The following PIK3C3 variants were observed in gnomAD, a reference collection of about 807,000 sequenced individuals.
PIK3C3 encodes PI3-kinase type 3.
In PIK3C3, 95 loss-of-function variants were observed where a neutral mutation model predicts 126.1. The observed-to-expected ratio is 0.75, with a 90% CI of 0.64 to 0.89. The LOEUF is 0.89. PIK3C3 is among the 40% of genes least tolerant of loss of function. PIK3C3 has a pLI of 0.00. For synonymous variants in PIK3C3, 374 were observed against 360.0 expected, an observed-to-expected ratio of 1.04 and a Z score of -0.44; for missense variants, 829 against 1,063.2, an observed-to-expected ratio of 0.78 and a Z score of 3.06.
At chr18:42,076,672 T>C (rs1481476700) in intron 24 of PIK3C3, among the ~76,000 whole-genome samples, 1 of 152,228 alleles carries the variant, frequency 6.6e-6, no homozygotes, top group Non-Finnish European at 1.5e-5. Context: ...TTAATTATTG[T>C]AATAGCAAGA....
intron 24 of PIK3C3, among the ~76,000 whole-genome samples, chr18:42,071,031 C>T (rs1192703559): frequency 6.6e-6 from 1 of 152,160 alleles, no homozygotes; most frequent in East Asian, 1.9e-4. Flanking sequence ...ATGTAGAAAT[C>T]CTGTAATTAA....
intron 24 of PIK3C3, among the ~76,000 whole-genome samples, chr18:42,076,113 TATATATATGCGCA>T (rs1985980718): frequency 1.3e-5 from 1 of 77,718 alleles, no homozygotes; most frequent in Non-Finnish European, 2.5e-5. Flanking sequence ...TATATATATA[TATATATATGCGCA>T]TATATATATA....
chr18:42,052,436 G>T (rs1300595276), intron 21 of PIK3C3, among the ~76,000 whole-genome samples: 1 of 152,036 alleles, frequency 6.6e-6, no homozygotes, highest in Non-Finnish European at 1.5e-5. Flanking sequence ...TTTCTTAACT[G>T]CTCTGTAATT....
In PIK3C3 at chr18:42,027,161, TAAATAGGAGA is replaced by T. The variant is rs1598908842; in HGVS notation, c.1485-277_1485-268del. 9 of 207,804 alleles carry T rather than the reference TAAATAGGAGA, an allele frequency of 4.3e-5. No homozygotes were observed. In the East Asian group the frequency reaches 1.1e-3, roughly 27 times the overall value. 12.9% of individuals were successfully genotyped at this position (207,804 alleles called of 1,614,324 possible). Reference sequence around the variant, plus strand: ...CTGAGGATGTTAATACTCTACCTCATAAATAGGAGAAAATGCTTGTTTTGGTGGCAAAAGT... The same window carrying T: ...CTGAGGATGTTAATACTCTACCTCATAAATGCTTGTTTTGGTGGCAAAAGT... On this transcript the variant is annotated intron_variant, in intron 13 of 24. Coordinates refer to ENST00000262039, the MANE Select transcript of PIK3C3 (RefSeq NM_002647.4).
At chr18:42,015,899 A>G (rs1325550867) in intron 12 of PIK3C3, among the ~76,000 whole-genome samples, 1 of 152,152 alleles carries the variant, frequency 6.6e-6, no homozygotes, top group Non-Finnish European at 1.5e-5. Flanking sequence ...AGTGCTTGTG[A>G]TTACATCGTA....
chr18:41,959,922 G>C (rs1296338476), intron 2 of PIK3C3, among the ~76,000 whole-genome samples: 1 of 151,016 alleles, frequency 6.6e-6, no homozygotes, highest in Non-Finnish European at 1.5e-5. Flanking sequence ...CCTAAAGTGA[G>C]TGGAGGTAAA....
At chr18:42,072,858 T>C (rs1359892682) in intron 24 of PIK3C3, among the ~76,000 whole-genome samples, 2 of 152,074 alleles carry the variant, frequency 1.3e-5, no homozygotes, top group African/African-American at 4.8e-5. Context: ...TACAGTGCTT[T>C]CGAGGGTTGT....
intron 24 of PIK3C3, among the ~76,000 whole-genome samples, chr18:42,070,192 G>A (rs748990689): frequency 1.3e-5 from 2 of 152,158 alleles, no homozygotes; most frequent in African/African-American, 2.4e-5. Context: ...GGCAGACGTG[G>A]CAGTCCTCTT....
intron 13 of PIK3C3, 114 bp downstream of exon 13, chr18:42,020,819 A>G: frequency 1.6e-6 from 1 of 642,646 alleles, no homozygotes; most frequent in Non-Finnish European, 2.7e-6. Context: ...TCAAAAGTCT[A>G]GATATAGTAT....
chr18:42,063,964 C>T (rs1050148579), intron 22 of PIK3C3, among the ~76,000 whole-genome samples: 18 of 152,142 alleles, frequency 1.2e-4, no homozygotes, highest in African/African-American at 4.3e-4. Context: ...CCACTAAGAG[C>T]ATAACTACCC....
In PIK3C3 at chr18:42,076,144, GCGCA is replaced by G. The variant is rs1354964668; in HGVS notation, c.2650-4978_2650-4975del. Among the ~76,000 whole-genome samples the G allele has an allele frequency of 1.0e-4, 2 of 19,050 alleles. 1 individual carries two copies. The highest frequency in any genetic ancestry group is 1.7e-4 in the Non-Finnish European group (2 of 11,856). 12.5% of individuals were successfully genotyped at this position (19,050 alleles called of 152,430 possible). ...TATGCGCATATATATATATATATAT[GCGCA>G]TATATATATATATGCACATATATAT... On this transcript the variant is annotated intron_variant, in intron 24 of 24. Coordinates refer to ENST00000262039, the MANE Select transcript of PIK3C3 (RefSeq NM_002647.4).
At chr18:41,986,083 G>C (rs1981461169) in intron 4 of PIK3C3, among the ~76,000 whole-genome samples, 1 of 152,118 alleles carries the variant, frequency 6.6e-6, no homozygotes, top group Non-Finnish European at 1.5e-5. Flanking sequence ...TCAGTAGAGA[G>C]GATAGCAGAC....
At position 41,984,634 on chromosome 18, in the gene PIK3C3, A is replaced by T. The variant is rs541831242; in HGVS notation, c.532-3178A>T. ...AGCTATGGATCATTTAGCAATTGTG[A>T]TAGCTAGTTCTAGACTTTTTCTGCT... On this transcript the variant is annotated intron_variant, in intron 4 of 24. Transcript: ENST00000262039. 5.3e-4 allele frequency among the ~76,000 whole-genome samples: 80 copies of T among 152,270 alleles called. 1 individual carries two copies. The highest frequency in any genetic ancestry group is 1.9e-3 in the African/African-American group (77 of 41,562).
At chr18:42,024,905 G>A (rs1598906650) in intron 13 of PIK3C3, among the ~76,000 whole-genome samples, 1 of 150,084 alleles carries the variant, frequency 6.7e-6, no homozygotes, top group South Asian at 2.1e-4. Flanking sequence ...ACGAGTTCAC[G>A]CCATTCTTCT....
chr18:42,016,526 T>G (rs1402420971), intron 12 of PIK3C3, among the ~76,000 whole-genome samples: 2 of 152,158 alleles, frequency 1.3e-5, no homozygotes, highest in Non-Finnish European at 2.9e-5. Context: ...GTTACAATGT[T>G]TGCCTTCATA....
At chr18:42,001,188 G>A (rs960200003) in intron 9 of PIK3C3, among the ~76,000 whole-genome samples, 8 of 152,174 alleles carry the variant, frequency 5.3e-5, no homozygotes, top group Non-Finnish European at 1.0e-4. Context: ...GCTAACATTT[G>A]ATGTCAACAT....
chr18:41,970,297 T>C (rs1377750039), intron 3 of PIK3C3, 30 bp from the exon 4 acceptor site: 1 of 1,603,778 alleles, frequency 6.2e-7, no homozygotes, highest in African/African-American at 1.3e-5. Context: ...ATTAATTTAC[T>C]TCTACCCTGA....
In PIK3C3 at chr18:42,049,625, A is replaced by G; in HGVS notation, c.2263+20A>G. 1.3e-6 allele frequency: 2 copies of G among 1,541,626 alleles called. No individual in the cohort carries two copies. The highest frequency in any genetic ancestry group is 1.8e-6 in the Non-Finnish European group (2 of 1,113,932). On this transcript the variant is annotated intron_variant, in intron 21 of 24. Coordinates refer to ENST00000262039, the MANE Select transcript of PIK3C3 (RefSeq NM_002647.4). ...AAACAGGTAACAATTAATGACTACC[A>G]GTAGACATACATTGTATATGCCCAT...
chr18:41,993,683 A>G (rs1337745975), intron 7 of PIK3C3, among the ~76,000 whole-genome samples: 1 of 152,038 alleles, frequency 6.6e-6, no homozygotes, highest in Admixed American at 6.6e-5. Context: ...GATTGCCATC[A>G]TACAGAAGGA....
Sources: gnomAD v4.1 joint callset for allele counts (sites outside exome capture counted in the v4.1 genomes callset) on GRCh38, gnomAD v4.1.1 for gene constraint, MANE v1.5 for transcripts, NCBI Gene and HGNC (gene_info 2026-07-23, HGNC 2026-07-21) for gene names.